Variants in MAGI2 observed in about 807,000 individuals in gnomAD.
MAGI2 encodes membrane-associated guanylate kinase, WW and PDZ domain-containing protein 2.
Under a neutral mutation model 133.3 loss-of-function variants are expected in MAGI2, and 35 were observed. The observed-to-expected ratio is 0.26, with a 90% CI of 0.20 to 0.35. MAGI2 has a LOEUF of 0.35. MAGI2 is among the 10% of genes least tolerant of loss of function. The pLI, the probability that MAGI2 is intolerant of heterozygous loss-of-function variation, is 1.00. For missense variants in MAGI2, 1,636 were observed against 1,863.4 expected (o/e 0.88, Z 2.25); for synonymous variants, 729 against 710.6 (o/e 1.03, Z -0.41).
intron 2 of MAGI2, among the ~76,000 whole-genome samples, chr7:78,970,177 C>G (rs1562732388): frequency 6.6e-6 from 1 of 151,476 alleles, no homozygotes; most frequent in African/African-American, 2.4e-5. Context: ...TTATTAAATC[C>G]TTGTAAGAAA....
At chr7:78,371,447 A>T (rs1793908010) in intron 6 of MAGI2, among the ~76,000 whole-genome samples, 1 of 152,030 alleles carries the variant, frequency 6.6e-6, no homozygotes, top group African/African-American at 2.4e-5. Context: ...CATAAAGAGT[A>T]AAAGCCTAAC....
intron 6 of MAGI2, among the ~76,000 whole-genome samples, chr7:78,384,120 A>G (rs1795171832): frequency 6.6e-6 from 1 of 151,968 alleles, no homozygotes; most frequent in South Asian, 2.1e-4. Flanking sequence ...ATTTTTTCTA[A>G]TTCTATGAAG....
intron 1 of MAGI2, among the ~76,000 whole-genome samples, chr7:79,159,206 A>C (rs1421777270): frequency 6.6e-6 from 1 of 152,072 alleles, no homozygotes; most frequent in East Asian, 1.9e-4. Flanking sequence ...ACAAAACAGA[A>C]AGTCTAAGCA....
chr7:78,635,189 C>T (rs187069855), intron 2 of MAGI2, among the ~76,000 whole-genome samples: 1 of 152,306 alleles, frequency 6.6e-6, no homozygotes, highest in Admixed American at 6.5e-5. Context: ...ACAGTGAAGT[C>T]ACATGGAAGC....
intron 2 of MAGI2, among the ~76,000 whole-genome samples, chr7:78,975,401 T>C (rs1177585673): frequency 6.6e-6 from 1 of 151,664 alleles, no homozygotes; most frequent in African/African-American, 2.4e-5. Context: ...ATTTGGGCAC[T>C]GAACAACACA....
At chr7:79,322,082 T>C (rs1001738700) in intron 1 of MAGI2, among the ~76,000 whole-genome samples, 2 of 151,932 alleles carry the variant, frequency 1.3e-5, no homozygotes, top group African/African-American at 2.4e-5. Context: ...TTTTTTTCAA[T>C]AGAAAAAAAA....
intron 1 of MAGI2, among the ~76,000 whole-genome samples, chr7:79,328,965 A>G (rs1839882599): frequency 2.0e-5 from 3 of 152,226 alleles, no homozygotes; most frequent in African/African-American, 7.2e-5. Context: ...TTGCAGAAAT[A>G]CAAATGTGGG....
rs539596107 is a variant in MAGI2 at position 79,003,176 on chromosome 7, A to G, written c.418+3914T>C. The stretch of plus-strand genomic sequence containing the variant: ...GTCCACAACTAGATTGACTGAGTAT[A>G]TGTATATGTGTGTATGTAGCAGGTG... On this transcript the variant is annotated intron_variant, in intron 2 of 21. Coordinates refer to ENST00000354212, the MANE Select transcript of MAGI2 (RefSeq NM_012301.4). Among the ~76,000 whole-genome samples, 3 of 152,092 alleles carry G rather than the reference A, an allele frequency of 2.0e-5. No individual in the cohort carries two copies. In the South Asian group the frequency reaches 6.2e-4, roughly 32 times the overall value.
At chr7:78,983,134 A>G (rs1242091679) in intron 2 of MAGI2, among the ~76,000 whole-genome samples, 2 of 151,982 alleles carry the variant, frequency 1.3e-5, no homozygotes, top group African/African-American at 4.8e-5. Flanking sequence ...AATTAATGTC[A>G]TTGGTTTCTT....
chr7:78,591,543 G>A (rs1365067185), intron 3 of MAGI2, among the ~76,000 whole-genome samples: 1 of 152,220 alleles, frequency 6.6e-6, no homozygotes, highest in Non-Finnish European at 1.5e-5. Context: ...GCCAATGGCG[G>A]AGCCCTAACA....
intron 2 of MAGI2, among the ~76,000 whole-genome samples, chr7:78,874,804 G>T (rs1041181192): frequency 6.6e-6 from 1 of 152,104 alleles, no homozygotes; most frequent in African/African-American, 2.4e-5. Flanking sequence ...ATTATAAATG[G>T]TTGAAGTAAC....
intron 1 of MAGI2, among the ~76,000 whole-genome samples, chr7:79,418,830 T>TACACACACAC (rs57172659): frequency 2.2e-5 from 3 of 137,940 alleles, no homozygotes; most frequent in Non-Finnish European, 4.9e-5. Context: ...CCAATACACA[T>TACACACACAC]ACACACACAC....
intron 6 of MAGI2, among the ~76,000 whole-genome samples, chr7:78,460,864 A>G (rs1465256670): frequency 1.3e-5 from 2 of 152,064 alleles, no homozygotes; most frequent in Non-Finnish European, 2.9e-5. Flanking sequence ...CTTATGTCTT[A>G]TTCACTGGCT....
intron 1 of MAGI2, among the ~76,000 whole-genome samples, chr7:79,374,815 T>C (rs41364851): frequency 0.15 from 22,077 of 151,910 alleles, 1,714 homozygotes; most frequent in South Asian, 0.25. Context: ...CTACATAAAA[T>C]TGTGGCATTA....
chr7:78,591,195 A>C (rs1198602620), intron 3 of MAGI2, among the ~76,000 whole-genome samples: 1 of 152,238 alleles, frequency 6.6e-6, no homozygotes, highest in Non-Finnish European at 1.5e-5. Flanking sequence ...GGGAGATTTT[A>C]CATGATTATC....
intron 16 of MAGI2, among the ~76,000 whole-genome samples, chr7:78,149,110 A>T (rs1823604362): frequency 6.6e-6 from 1 of 152,192 alleles, no homozygotes; most frequent in Non-Finnish European, 1.5e-5. Flanking sequence ...ATTTGAAATC[A>T]AAGATAATAA....
intron 6 of MAGI2, among the ~76,000 whole-genome samples, chr7:78,371,287 A>T: frequency 6.6e-6 from 1 of 151,910 alleles, no homozygotes; most frequent in African/African-American, 2.4e-5. Flanking sequence ...GCTCATCCAG[A>T]AGTAAAAGAA....
At position 78,167,896 on chromosome 7, in the gene MAGI2, A is replaced by C. The variant is rs371265808; in HGVS notation, c.2596+20T>G. 1.1e-5 allele frequency: 17 copies of C among 1,601,972 alleles called. No individual in the cohort carries two copies. The highest frequency in any genetic ancestry group is 1.5e-5 in the Non-Finnish European group (17 of 1,170,790). On this transcript the variant is annotated intron_variant, in intron 15 of 21. Transcript: ENST00000354212. ...TTACCACCTAACCCTCGATTCCTGC[A>C]GCAGGCTCCAGGTACATACCTCCAC...
intron 1 of MAGI2, among the ~76,000 whole-genome samples, chr7:79,064,069 G>A (rs1814060532): frequency 1.3e-5 from 2 of 152,018 alleles, no homozygotes; most frequent in Admixed American, 1.3e-4. Context: ...GAGAAATTAT[G>A]TCTTTTGAGC....
Sources: gnomAD v4.1 joint callset for allele counts (sites outside exome capture counted in the v4.1 genomes callset) on GRCh38, gnomAD v4.1.1 for gene constraint, MANE v1.5 for transcripts, NCBI Gene and HGNC (gene_info 2026-07-23, HGNC 2026-07-21) for gene names.